The following DGKD variants were observed in gnomAD, a reference collection of about 807,000 sequenced individuals.
The protein encoded by DGKD is DAG kinase delta.
Under a neutral mutation model 154.4 loss-of-function variants are expected in DGKD, and 68 were observed. The observed-to-expected ratio is 0.44, with a 90% CI of 0.36 to 0.54. DGKD has a LOEUF of 0.54. DGKD is among the 20% of genes least tolerant of loss of function. DGKD has a pLI of 0.00. For missense variants in DGKD, 1,343 were observed against 1,593.6 expected, an observed-to-expected ratio of 0.84 and a Z score of 2.68; for synonymous variants, 693 against 638.0, an observed-to-expected ratio of 1.09 and a Z score of -1.30.
At chr2:233,450,609 A>T (rs2063244737) in intron 16 of DGKD, among the ~76,000 whole-genome samples, 1 of 152,058 alleles carries the variant, frequency 6.6e-6, no homozygotes, top group Non-Finnish European at 1.5e-5. Context: ...ACCCATGGCC[A>T]CTGCATGGCC....
rs578036955 is a variant in DGKD at position 233,434,856 on chromosome 2, C to T, written c.541C>T (p.Arg181Cys). ...HARPTYCNVCREALSGVTSHG... is the reference protein window; with the variant it reads ...HARPTYCNVCCEALSGVTSHG... ...GAGGCCGACCTACTGCAATGTGTGC[C>T]GTGAGGCTCTGTCTGGGGTCACGTC... The change falls in exon 5 of 30, where the codon CGT becomes TGT. Residue 181 changes from arginine (R) to cysteine (C), a missense_variant. Physicochemically the swap from Arg to Cys is radical, Grantham distance 180. This residue lies in a region of DGKD where 332 missense variants were observed against 400.1 expected (regional missense o/e 0.83). Transcript: ENST00000264057. 201 of 1,614,182 alleles carry T rather than the reference C, an allele frequency of 1.2e-4. 3 individuals carry two copies. The South Asian group carries it at 1.7e-3, about 14-fold the overall frequency.
At chr2:233,396,214 C>T (rs148841228) in intron 3 of DGKD, among the ~76,000 whole-genome samples, 4 of 152,140 alleles carry the variant, frequency 2.6e-5, no homozygotes, top group Non-Finnish European at 5.9e-5. Flanking sequence ...TTGTGCAATG[C>T]GGGTTTGCTA....
intron 3 of DGKD, among the ~76,000 whole-genome samples, chr2:233,410,263 G>A (rs143223207): frequency 3.3e-5 from 5 of 152,260 alleles, no homozygotes; most frequent in East Asian, 1.9e-4. Flanking sequence ...TGAAGAAAGA[G>A]GGGGGGCTCA....
At chr2:233,417,476 C>G (rs770349826) in intron 3 of DGKD, among the ~76,000 whole-genome samples, 1 of 152,056 alleles carries the variant, frequency 6.6e-6, no homozygotes, top group African/African-American at 2.4e-5. Flanking sequence ...AGTGGCCTGC[C>G]CCAGCTTACC....
intron 11 of DGKD, among the ~76,000 whole-genome samples, chr2:233,446,142 A>T (rs1268968330): frequency 2.0e-5 from 3 of 152,204 alleles, no homozygotes; most frequent in African/African-American, 7.2e-5. Context: ...TTCCCAGAAG[A>T]AGTTTTGGGA....
chr2:233,381,884 G>C (rs533379246), intron 1 of DGKD, among the ~76,000 whole-genome samples: 1 of 152,328 alleles, frequency 6.6e-6, no homozygotes, highest in East Asian at 1.9e-4. Flanking sequence ...GACCAGAAGT[G>C]TTTGTTCTGT....
intron 1 of DGKD, among the ~76,000 whole-genome samples, chr2:233,355,985 C>A (rs1197605739): frequency 1.3e-5 from 2 of 152,126 alleles, no homozygotes; most frequent in African/African-American, 4.8e-5. Context: ...TGGTCAGGAC[C>A]GTAAGATGGA....
chr2:233,390,789 A>G (rs1347439103), intron 3 of DGKD, among the ~76,000 whole-genome samples: 1 of 152,136 alleles, frequency 6.6e-6, no homozygotes, highest in Non-Finnish European at 1.5e-5. Flanking sequence ...CTGGAGTGCA[A>G]TGGCGTGATC....
chr2:233,359,026 T>C (rs1391820573), intron 1 of DGKD, among the ~76,000 whole-genome samples: 1 of 152,254 alleles, frequency 6.6e-6, no homozygotes, highest in Admixed American at 6.5e-5. Flanking sequence ...GGTTCCAATT[T>C]TTCCACATCC....
At chr2:233,399,288 C>T (rs1047776676) in intron 3 of DGKD, among the ~76,000 whole-genome samples, 1 of 152,188 alleles carries the variant, frequency 6.6e-6, no homozygotes, top group African/African-American at 2.4e-5. Flanking sequence ...AGTAGGTGCA[C>T]ATAACTCTTT....
chr2:233,394,011 ATGT>A (rs1292977657), intron 3 of DGKD, among the ~76,000 whole-genome samples: 1 of 152,218 alleles, frequency 6.6e-6, no homozygotes, highest in East Asian at 1.9e-4. Flanking sequence ...CTTACGAAAT[ATGT>A]TGTTCAAGTC....
At chr2:233,417,648 T>C (rs1390181551) in intron 3 of DGKD, among the ~76,000 whole-genome samples, 2 of 152,216 alleles carry the variant, frequency 1.3e-5, no homozygotes, top group Admixed American at 6.5e-5. Flanking sequence ...TGTATCATTA[T>C]AGATAATTAA....
rs1236421389 is a variant in DGKD at position 233,459,617 on chromosome 2, C to T, written c.2695-140C>T. 6 of 1,156,686 alleles carry T rather than the reference C, an allele frequency of 5.2e-6. No homozygotes were observed. In the Admixed American group the frequency reaches 7.7e-5, roughly 15 times the overall value. 71.7% of individuals were successfully genotyped at this position (1,156,686 alleles called of 1,614,324 possible). On this transcript the variant is annotated intron_variant, in intron 22 of 29. Transcript: ENST00000264057. The surrounding 1 kb of genome is among the most constrained non-coding windows in gnomAD (Gnocchi z 5.7). ...CAGAAGGCTAGCTGCAGGCGGAGCG[C>T]CATCCCAGAGGCAGAGGTGGGGTGT...
intron 27 of DGKD, 136 bp from the exon 28 acceptor site, chr2:233,466,950 T>C: frequency 2.9e-6 from 2 of 697,582 alleles, no homozygotes; most frequent in Non-Finnish European, 5.2e-6. Flanking sequence ...AGAGAAGCCC[T>C]TTCAGGCACA....
At position 233,354,552 on chromosome 2, in the gene DGKD, C is replaced by G. The variant is rs747669327; in HGVS notation, c.34C>G (p.Pro12Ala). 34 of 1,023,538 alleles carry G rather than the reference C, an allele frequency of 3.3e-5. No individual in the cohort carries two copies. Among genetic ancestry groups the G allele is most frequent in the Non-Finnish European group, 8.2e-6 (7 of 853,426 alleles). The allele number at this position is 1,023,538 out of a possible 1,614,324, so 63.4% of individuals were successfully genotyped here. The change falls in exon 1 of 30, where the codon CCC (proline) becomes GCC (alanine). Residue 12 changes from proline to alanine, a missense_variant. Pro to Ala is a conservative substitution (Grantham distance 27, BLOSUM62 -1). Coordinates refer to ENST00000264057, the MANE Select transcript of DGKD (RefSeq NM_152879.3). This position sits in a 1 kb window ranked among gnomAD's most constrained non-coding sequence, Gnocchi z 4.8. ...GGCGGCGGGCGCCCCTCCGCCGGGT[C>G]CCCCGCAACCGCCTCCGCCGCCGCC... is the stretch of plus-strand genomic sequence containing the variant. ...AAAAGAPPPG[P>A]PQPPPPPPPE... is the part of the protein sequence containing the mutation.
chr2:233,415,944 G>C (rs1213575752), intron 3 of DGKD, among the ~76,000 whole-genome samples: 1 of 152,130 alleles, frequency 6.6e-6, no homozygotes, highest in Non-Finnish European at 1.5e-5. Context: ...TAAATTTAAA[G>C]ACACCTTTTA....
intron 3 of DGKD, among the ~76,000 whole-genome samples, chr2:233,430,919 CT>C (rs1309236553): frequency 6.6e-6 from 1 of 152,142 alleles, no homozygotes; most frequent in Non-Finnish European, 1.5e-5. Context: ...GATTAAGCAG[CT>C]TTTTACTTGC....
At chr2:233,363,861 G>A (rs190433703) in intron 1 of DGKD, among the ~76,000 whole-genome samples, 4 of 152,378 alleles carry the variant, frequency 2.6e-5, no homozygotes, top group African/African-American at 7.2e-5. Flanking sequence ...ATGCCATACA[G>A]ATGAGGTGTG....
intron 9 of DGKD, among the ~76,000 whole-genome samples, chr2:233,439,466 C>T (rs1180290178): frequency 1.3e-5 from 2 of 152,240 alleles, no homozygotes; most frequent in Non-Finnish European, 2.9e-5. Context: ...AGCCTGCTTC[C>T]GCAAAGGCAG....
Sources: gnomAD v4.1 joint callset for allele counts (sites outside exome capture counted in the v4.1 genomes callset) on GRCh38, gnomAD v4.1.1 for gene constraint, gnomAD v4.1.1 regional missense constraint, Gnocchi (gnomAD v3.1) non-coding constraint, MANE v1.5 for transcripts, NCBI Gene and HGNC (gene_info 2026-07-23, HGNC 2026-07-21) for gene names.